Variants in ERP44 observed in about 807,000 individuals in gnomAD.
ERP44 encodes the protein endoplasmic reticulum resident protein 44.
A neutral mutation model predicts 53.4 loss-of-function variants in ERP44; 25 were observed. That is an observed-to-expected ratio of 0.47 (90% CI 0.34 to 0.65). The LOEUF is 0.65. Among genes scored for constraint, ERP44 ranks in the 30% least tolerant of loss-of-function variants. The probability of loss-of-function intolerance (pLI) is 0.01; values close to 1 mark genes in which losing one functional copy is unlikely to be tolerated. For missense variants in ERP44, 338 were observed against 493.2 expected (o/e 0.69, Z 2.98); for synonymous variants, 145 against 161.2 (o/e 0.90, Z 0.76).
chr9:100,018,456 C>T lies in ERP44; in HGVS notation c.588-143G>A, dbSNP rs1365834816. ...AAGAAAAGTATACATTTAAAGAAAA[C>T]GTTTAATATGAGGCAGACTTTTTAA... On this transcript the variant is annotated intron_variant, in intron 6 of 11. Coordinates refer to ENST00000262455, the MANE Select transcript of ERP44 (RefSeq NM_015051.3). The T allele has an allele frequency of 1.7e-5, 10 of 578,276 alleles. No homozygotes were observed. The East Asian group carries it at 1.9e-4, about 11-fold the overall frequency. The allele number at this position is 578,276 out of a possible 1,614,324, so 35.8% of individuals were successfully genotyped here.
At position 100,018,261 on chromosome 9, in the gene ERP44, G is replaced by A. The variant is rs981730592; in HGVS notation, c.640C>T (p.Pro214Ser). ...ATTAAGAAATAGCAACTTACCCCTG[G>A]TGGTTTGTAGATTATGTTGTCGCCA... ...YSGDNIIYKP[P>S]GHSAPDMVYL... is the part of the protein sequence containing the mutation. Residue 214 changes from proline to serine, a missense_variant, in exon 7 of 12, where the codon CCA becomes TCA. Pro to Ser is a moderately conservative substitution (Grantham distance 74). Around this residue, in one of 3 missense-constraint regions of ERP44, gnomAD observed 224 missense variants for 301.4 expected, o/e 0.74. Transcript: ENST00000262455. 6.3e-7 allele frequency: 1 copy of A among 1,594,978 alleles called. No homozygotes were observed. The highest frequency in any genetic ancestry group is 8.6e-7 in the Non-Finnish European group (1 of 1,162,880).
At chr9:100,055,204 T>G (rs1214634665) in intron 3 of ERP44, among the ~76,000 whole-genome samples, 1 of 152,098 alleles carries the variant, frequency 6.6e-6, no homozygotes, top group Non-Finnish European at 1.5e-5. Context: ...GGATGGTTAA[T>G]GAGTACAAAA....
At chr9:100,007,538 G>A in intron 9 of ERP44, 40 bp downstream of exon 9, 1 of 994,060 alleles carries the variant, frequency 1.0e-6, no homozygotes, top group Non-Finnish European at 1.6e-6. Flanking sequence ...AAAGAAAAGA[G>A]AGAAAGAAAT....
intron 4 of ERP44, among the ~76,000 whole-genome samples, chr9:100,022,840 A>AG (rs1294280716): frequency 2.0e-5 from 3 of 152,188 alleles, no homozygotes; most frequent in Admixed American, 2.0e-4. Flanking sequence ...AGCTCTCAGA[A>AG]GGGGGGCTGG....
intron 5 of ERP44, 52 bp from the exon 6 acceptor site, chr9:100,020,783 A>G (rs535434128): frequency 5.6e-6 from 5 of 898,270 alleles, no homozygotes; most frequent in Non-Finnish European, 5.5e-6. Context: ...TTTTATAAAC[A>G]TGTTATTTCA....
At chr9:100,049,521 G>A (rs7025300) in intron 4 of ERP44, among the ~76,000 whole-genome samples, 104,574 of 152,116 alleles carry the variant, frequency 0.69, 37,167 homozygotes, top group East Asian at 0.91. Context: ...TATTCTCAAC[G>A]TCATTAATTA....
At chr9:99,989,409 A>G (rs527987863) in intron 10 of ERP44, among the ~76,000 whole-genome samples, 106 of 152,348 alleles carry the variant, frequency 7.0e-4, no homozygotes, top group African/African-American at 2.3e-3. Flanking sequence ...CAGGGTCTGG[A>G]GTGGACCTCC....
At chr9:99,988,023 A>T (rs1289192937) in intron 10 of ERP44, among the ~76,000 whole-genome samples, 1 of 152,222 alleles carries the variant, frequency 6.6e-6, no homozygotes, top group African/African-American at 2.4e-5. Context: ...TATATGTCTT[A>T]CTTTTGAAGA....
chr9:100,095,997 C>T (rs12341648), intron 1 of ERP44, among the ~76,000 whole-genome samples: 1 of 151,958 alleles, frequency 6.6e-6, no homozygotes, highest in Non-Finnish European at 1.5e-5. Context: ...TTGAACAAAC[C>T]GAGAACAACA....
At chr9:100,098,701 G>A (rs555137212) in intron 1 of ERP44, 83 bp downstream of exon 1, 4 of 1,128,068 alleles carry the variant, frequency 3.5e-6, no homozygotes, top group African/African-American at 3.1e-5. Flanking sequence ...GAAAAGCAGG[G>A]GCAGGAGTAG....
intron 1 of ERP44, among the ~76,000 whole-genome samples, chr9:100,097,599 T>C (rs563764843): frequency 6.6e-6 from 1 of 152,334 alleles, no homozygotes; most frequent in African/African-American, 2.4e-5. Flanking sequence ...AATAAGACAC[T>C]CTATCATTTA....
intron 1 of ERP44, among the ~76,000 whole-genome samples, chr9:100,069,636 T>C (rs1224377041): frequency 1.3e-5 from 2 of 151,866 alleles, no homozygotes; most frequent in Non-Finnish European, 2.9e-5. Context: ...AATTACCCAG[T>C]TCAAATAAAA....
intron 10 of ERP44, among the ~76,000 whole-genome samples, chr9:100,003,397 T>G (rs1418943775): frequency 6.6e-6 from 1 of 152,254 alleles, no homozygotes; most frequent in Non-Finnish European, 1.5e-5. Flanking sequence ...CATTGATGTC[T>G]GGGCATTTGA....
intron 3 of ERP44, among the ~76,000 whole-genome samples, chr9:100,053,264 A>G (rs1459030164): frequency 6.6e-6 from 1 of 152,332 alleles, no homozygotes; most frequent in African/African-American, 2.4e-5. Flanking sequence ...TAAGTCCAGA[A>G]GCAAATATCT....
At chr9:100,035,776 C>T (rs138696934) in intron 4 of ERP44, among the ~76,000 whole-genome samples, 117 of 152,108 alleles carry the variant, frequency 7.7e-4, no homozygotes, top group African/African-American at 2.5e-3. Context: ...ATACAAGCAG[C>T]CAACAAACAT....
In ERP44 at chr9:99,990,118, TC is replaced by T. The variant is rs1285914891; in HGVS notation, c.1017-5050del. ...CTTCAGGATATTATCCAGGAGAACT[TC>T]CCAAACCTAGCAAGGCAGGCCAACA... On this transcript the variant is annotated intron_variant, in intron 10 of 11. Transcript: ENST00000262455. Among the ~76,000 whole-genome samples the T allele has an allele frequency of 2.0e-5, 3 of 152,094 alleles. No homozygotes were observed. The East Asian group carries it at 5.8e-4, about 29-fold the overall frequency.
At chr9:100,085,709 G>A (rs1032562142) in intron 1 of ERP44, among the ~76,000 whole-genome samples, 10 of 152,190 alleles carry the variant, frequency 6.6e-5, no homozygotes, top group Non-Finnish European at 1.5e-4. Context: ...AGACCAGCCT[G>A]GCCAACATGG....
chr9:100,018,155 A>G (rs1830543332), intron 7 of ERP44, 101 bp downstream of exon 7: 3 of 808,546 alleles, frequency 3.7e-6, no homozygotes, highest in East Asian at 4.9e-5. Flanking sequence ...TTTCAATTCT[A>G]AAGTTCTATT....
In ERP44 at chr9:100,039,176, A is replaced by C. The variant is rs1825876667; in HGVS notation, c.286+13241T>G. On this transcript the variant is annotated intron_variant, in intron 4 of 11. Coordinates refer to ENST00000262455, the MANE Select transcript of ERP44 (RefSeq NM_015051.3). ...AACATCACAGTTAACCTGCACTATA[A>C]ACCAAATGGACCTAACAGATATTTA... 3.3e-5 allele frequency among the ~76,000 whole-genome samples: 5 copies of C among 152,138 alleles called. No individual in the cohort carries two copies. In the South Asian group the frequency reaches 8.3e-4, roughly 25 times the overall value.
Sources: allele counts gnomAD v4.1 joint callset (sites outside exome capture counted in the v4.1 genomes callset), GRCh38; gene constraint gnomAD v4.1.1; regional missense constraint gnomAD v4.1.1; transcripts MANE v1.5; gene names NCBI Gene and HGNC (gene_info 2026-07-23, HGNC 2026-07-21).